The following TMEM74 variants were observed in gnomAD, a reference collection of about 807,000 sequenced individuals.
TMEM74 encodes the protein transmembrane protein 74.
TMEM74 carries 13 observed loss-of-function variants against 18.1 expected under a neutral mutation model. That is an observed-to-expected ratio of 0.72 (90% CI 0.47 to 1.14). The LOEUF is 1.14. Among genes scored for constraint, TMEM74 ranks in the 50% most tolerant of loss-of-function variants. TMEM74 has a pLI of 0.00. For synonymous variants in TMEM74, 159 were observed against 146.6 expected (o/e 1.08, Z -0.61); for missense variants, 372 against 375.9 (o/e 0.99, Z 0.09).
chr8:108,657,891 T>TTAATTAC, intron 1 of TMEM74, among the ~76,000 whole-genome samples: 3 of 111,030 alleles, frequency 2.7e-5, no homozygotes, highest in African/African-American at 1.1e-4. Flanking sequence ...TATATATATA[T>TTAATTAC]ATATATATAT....
At chr8:108,762,794 G>A (rs1814060646) in intron 1 of TMEM74, among the ~76,000 whole-genome samples, 1 of 152,092 alleles carries the variant, frequency 6.6e-6, no homozygotes, top group South Asian at 2.1e-4. Flanking sequence ...CTACTCAGGA[G>A]GCTGAGGTGG....
In TMEM74 at chr8:108,784,896, G is replaced by A; in HGVS notation, c.203C>T (p.Ser68Phe). The A allele has an allele frequency of 6.2e-7, 1 of 1,614,174 alleles. No individual in the cohort carries two copies. Among genetic ancestry groups the A allele is most frequent in the Non-Finnish European group, 8.5e-7 (1 of 1,180,032 alleles). The change falls in exon 2 of 2, where the codon TCC becomes TTC. Residue 68 changes from serine to phenylalanine, a missense_variant. Ser to Phe is a radical substitution (Grantham distance 155). Transcript: ENST00000297459. ...SKLSSSPASP[S>F]SSLQNSTLQP... Reference sequence around the variant, plus strand: ...AAGAGTACTGTTTTGCAGAGAGGAGGAGGGGGATGCTGGAGAAGAACTAAG... The same window carrying A: ...AAGAGTACTGTTTTGCAGAGAGGAGAAGGGGGATGCTGGAGAAGAACTAAG...
chr8:108,663,108 A>G (rs1812916816), intron 1 of TMEM74, among the ~76,000 whole-genome samples: 1 of 152,148 alleles, frequency 6.6e-6, no homozygotes, highest in Non-Finnish European at 1.5e-5. Context: ...TAATTAAACT[A>G]AAGAGCTTCT....
intron 1 of TMEM74, among the ~76,000 whole-genome samples, chr8:108,666,734 A>G (rs1009355312): frequency 6.6e-6 from 1 of 152,138 alleles, no homozygotes; most frequent in Admixed American, 6.6e-5. Flanking sequence ...CTTGGCCCAG[A>G]TTTAAGAGCA....
intron 2 of TMEM74, among the ~76,000 whole-genome samples, chr8:108,643,678 C>A (rs1425426258): frequency 6.6e-6 from 1 of 151,680 alleles, no homozygotes; most frequent in African/African-American, 2.4e-5. Context: ...GATTTGGAGA[C>A]CAGCAACATG....
chr8:108,624,831 A>G (rs140927615), intron 2 of TMEM74, among the ~76,000 whole-genome samples: 2 of 152,164 alleles, frequency 1.3e-5, no homozygotes, highest in East Asian at 3.9e-4. Context: ...AACGTGCTGA[A>G]TGAAATTATT....
intron 1 of TMEM74, among the ~76,000 whole-genome samples, chr8:108,719,311 T>A (rs985477964): frequency 3.9e-5 from 6 of 152,146 alleles, no homozygotes; most frequent in Admixed American, 2.0e-4. Flanking sequence ...TTAATATTTT[T>A]AAAATTAATT....
intron 1 of TMEM74, among the ~76,000 whole-genome samples, chr8:108,675,360 G>A (rs994650710): frequency 2.0e-5 from 3 of 152,188 alleles, no homozygotes; most frequent in African/African-American, 7.2e-5. Flanking sequence ...GATTCTGGTA[G>A]CTTTGGAGGG....
At chr8:108,768,365 C>A (rs751361580) in intron 1 of TMEM74, among the ~76,000 whole-genome samples, 2 of 152,000 alleles carry the variant, frequency 1.3e-5, no homozygotes, top group Non-Finnish European at 2.9e-5. Flanking sequence ...ATCTCTGGAC[C>A]CTTCCTAATC....
intron 2 of TMEM74, among the ~76,000 whole-genome samples, chr8:108,619,852 A>G (rs1164671491): frequency 6.6e-6 from 1 of 152,188 alleles, no homozygotes; most frequent in Non-Finnish European, 1.5e-5. Context: ...GATTCATATA[A>G]TGTATGAACC....
chr8:108,621,448 C>T (rs1438864501), intron 2 of TMEM74, among the ~76,000 whole-genome samples: 1 of 152,172 alleles, frequency 6.6e-6, no homozygotes, highest in Non-Finnish European at 1.5e-5. Flanking sequence ...AAAACGCCCT[C>T]GGGCAAGGTC....
chr8:108,717,709 T>C lies in TMEM74; in HGVS notation n.120-62272A>G, dbSNP rs77689749. Among the ~76,000 whole-genome samples, 1,427 of 152,122 alleles carry C rather than the reference T, an allele frequency of 9.4e-3. 21 individuals carry two copies. The highest frequency in any genetic ancestry group is 0.032 in the African/African-American group (1,332 of 41,488). ...GCGAGGGAATGGTCATGTGGGGATT[T>C]GGAGGAAAAGGACTCTAGGTAGAGG... On this transcript the variant is annotated intron_variant and non_coding_transcript_variant, in intron 1 of 3. Coordinates refer to the TMEM74 transcript ENST00000518838.
chr8:108,728,034 G>A (rs1450651397), intron 1 of TMEM74, among the ~76,000 whole-genome samples: 1 of 152,200 alleles, frequency 6.6e-6, no homozygotes, highest in Non-Finnish European at 1.5e-5. Flanking sequence ...ACCTAGATGA[G>A]TGCAATTTTA....
At chr8:108,760,973 A>AGT (rs60213902) in intron 1 of TMEM74, among the ~76,000 whole-genome samples, 20,805 of 148,810 alleles carry the variant, frequency 0.14, 1,552 homozygotes, top group African/African-American at 0.21. Flanking sequence ...GTGGTTTTGG[A>AGT]GTGTGTGTGT....
intron 1 of TMEM74, among the ~76,000 whole-genome samples, chr8:108,688,993 A>T (rs1414638863): frequency 6.6e-6 from 1 of 152,154 alleles, no homozygotes; most frequent in Non-Finnish European, 1.5e-5. Flanking sequence ...TGCCAAGGGA[A>T]TGGGGGTGAT....
chr8:108,606,953 G>A (rs563955374), exon 4 of TMEM74: 2 of 152,330 alleles, frequency 1.3e-5, no homozygotes, highest in African/African-American at 4.8e-5. Context: ...GTCAGCTGAG[G>A]CAGTGGGACT....
rs753479650 is a variant in TMEM74 at position 108,784,628 on chromosome 8, A to C, written c.471T>G (p.Ser157=). ...WSQEAAISLI[S]EEEDDTSSEA... ...CTGAACTTGTATCATCCTCCTCTTC[A>C]GATATCAAAGATATGGCAGCCTCTT... Residue 157 remains serine (S), a synonymous_variant, in exon 2 of 2, where the codon TCT becomes TCG. Coordinates refer to ENST00000297459, the MANE Select transcript of TMEM74 (RefSeq NM_153015.3). 11 of 1,614,090 alleles carry C rather than the reference A, an allele frequency of 6.8e-6. No individual in the cohort carries two copies. Among genetic ancestry groups the C allele is most frequent in the Non-Finnish European group, 8.5e-6 (10 of 1,180,042 alleles).
intron 1 of TMEM74, among the ~76,000 whole-genome samples, chr8:108,703,504 T>C (rs979040833): frequency 6.6e-6 from 1 of 152,066 alleles, no homozygotes; most frequent in African/African-American, 2.4e-5. Flanking sequence ...GATGAGTCAA[T>C]AATTGTAAAG....
chr8:108,712,993 C>T (rs3019346), intron 1 of TMEM74, among the ~76,000 whole-genome samples: 58,322 of 151,864 alleles, frequency 0.38, 11,588 homozygotes, highest in East Asian at 0.6. Context: ...TGTAATGAGA[C>T]CTGGGATTCT....
Sources: gnomAD v4.1 joint callset for allele counts (sites outside exome capture counted in the v4.1 genomes callset) on GRCh38, gnomAD v4.1.1 for gene constraint, MANE v1.5 for transcripts, NCBI Gene and HGNC (gene_info 2026-07-23, HGNC 2026-07-21) for gene names.